Variants in STK32B observed in about 807,000 individuals in gnomAD.
STK32B encodes the protein serine/threonine kinase 32B, also known as serine/threonine-protein kinase 32B.
STK32B carries 43 observed loss-of-function variants against 52.6 expected under a neutral mutation model. The observed-to-expected ratio is 0.82, with a 90% CI of 0.64 to 1.05. STK32B has a LOEUF of 1.05. Ranked by LOEUF, STK32B falls within the 50% of genes least tolerant of loss-of-function variation. The pLI, the probability that STK32B is intolerant of heterozygous loss-of-function variation, is 0.00. For missense variants in STK32B, 621 were observed against 534.6 expected (o/e 1.16, Z -1.59); for synonymous variants, 238 against 204.3 (o/e 1.17, Z -1.41).
chr4:5,034,842 C>G, the STK32B span, among the ~76,000 whole-genome samples: 2 of 152,178 alleles, frequency 1.3e-5, no homozygotes, highest in African/African-American at 4.8e-5. Flanking sequence ...TCATGGCAGC[C>G]TGGTCATAGA....
At chr4:5,176,643 C>T (rs1207302756) in intron 3 of STK32B, among the ~76,000 whole-genome samples, 3 of 151,918 alleles carry the variant, frequency 2.0e-5, no homozygotes, top group African/African-American at 4.8e-5. Flanking sequence ...AGGATTTCAC[C>T]ACATTGGCCA....
At chr4:5,344,659 T>C (rs111798443) in intron 4 of STK32B, among the ~76,000 whole-genome samples, 5,800 of 152,022 alleles carry the variant, frequency 0.038, 334 homozygotes, top group Admixed American at 0.16. Context: ...TTTTGTTTTT[T>C]CCATTTTTTT....
intron 3 of STK32B, among the ~76,000 whole-genome samples, chr4:5,206,900 A>G (rs1167437912): frequency 6.6e-6 from 1 of 152,184 alleles, no homozygotes; most frequent in Non-Finnish European, 1.5e-5. Flanking sequence ...CTCCTTCTGT[A>G]TCATTCTTCC....
chr4:5,101,493 C>A (rs1713786049), intron 1 of STK32B, among the ~76,000 whole-genome samples: 1 of 152,056 alleles, frequency 6.6e-6, no homozygotes, highest in Middle Eastern at 3.2e-3. Flanking sequence ...GTAATTAAGA[C>A]CATCATTGAT....
intron 6 of STK32B, among the ~76,000 whole-genome samples, chr4:5,427,925 C>T (rs963352633): frequency 1.3e-5 from 2 of 150,884 alleles, no homozygotes; most frequent in Non-Finnish European, 2.9e-5. Context: ...CTTATGCCCT[C>T]CTTCTCTCTG....
chr4:5,337,788 G>A (rs1732805686), intron 4 of STK32B, among the ~76,000 whole-genome samples: 1 of 152,084 alleles, frequency 6.6e-6, no homozygotes, highest in South Asian at 2.1e-4. Flanking sequence ...TCTGTGTAGA[G>A]TACAGCTTAC....
the STK32B span, among the ~76,000 whole-genome samples, chr4:5,037,206 C>G: frequency 4.9e-4 from 74 of 152,296 alleles, no homozygotes; most frequent in African/African-American, 1.6e-3. Flanking sequence ...CTAGTCACGA[C>G]AATCAAAAAT....
In STK32B at chr4:5,216,291, T is replaced by G. The variant is rs183605220; in HGVS notation, c.260+47841T>G. Among the ~76,000 whole-genome samples, 546 of 152,270 alleles carry G rather than the reference T, an allele frequency of 3.6e-3. 8 individuals carry two copies. Among genetic ancestry groups the G allele is most frequent in the African/African-American group, 0.012 (498 of 41,552 alleles). On this transcript the variant is annotated intron_variant, in intron 3 of 11. Transcript: ENST00000282908. ...TAAGAACTGCTGTTAAAGACCAAGA[T>G]AATCCCTTTATCTTGGTACCAGGCA...
intron 1 of STK32B, among the ~76,000 whole-genome samples, chr4:5,071,605 G>T (rs1414258125): frequency 6.6e-6 from 1 of 152,164 alleles, no homozygotes; most frequent in East Asian, 1.9e-4. Context: ...TTTCAACACA[G>T]TTTCTTAACC....
At chr4:5,144,831 TCCAA>T (rs1275697291) in intron 2 of STK32B, among the ~76,000 whole-genome samples, 1 of 143,990 alleles carries the variant, frequency 6.9e-6, no homozygotes, top group Non-Finnish European at 1.5e-5. Context: ...CATCCATCCA[TCCAA>T]CATACGGAGG....
intron 6 of STK32B, among the ~76,000 whole-genome samples, chr4:5,427,777 T>C (rs936149886): frequency 6.6e-6 from 1 of 152,166 alleles, no homozygotes; most frequent in Non-Finnish European, 1.5e-5. Context: ...TGGTAATTGA[T>C]GTTTTCTCTC....
At chr4:5,360,433 T>A (rs879290739) in intron 4 of STK32B, among the ~76,000 whole-genome samples, 5 of 152,268 alleles carry the variant, frequency 3.3e-5, no homozygotes, top group Admixed American at 2.6e-4. Flanking sequence ...CAAGAGAATG[T>A]CACTGGACCA....
intron 1 of STK32B, among the ~76,000 whole-genome samples, chr4:5,055,347 G>A (rs1460485075): frequency 6.6e-6 from 1 of 151,376 alleles, no homozygotes; most frequent in Admixed American, 6.6e-5. Flanking sequence ...ATTGGCTCTG[G>A]CCATTTCTTG....
At chr4:5,159,767 A>G (rs1229531658) in intron 2 of STK32B, among the ~76,000 whole-genome samples, 2 of 143,876 alleles carry the variant, frequency 1.4e-5, no homozygotes, top group African/African-American at 5.0e-5. Context: ...GAATATATAT[A>G]TGAATATATG....
At chr4:5,051,264 G>C (rs1027912674), upstream of STK32B, among the ~76,000 whole-genome samples, 1 of 152,054 alleles carries the variant, frequency 6.6e-6, no homozygotes, top group African/African-American at 2.4e-5. Context: ...GGTTGTCGGA[G>C]GCGGATGTGG....
At chr4:5,048,817 G>A (rs1305626279), upstream of STK32B, among the ~76,000 whole-genome samples, 1 of 152,248 alleles carries the variant, frequency 6.6e-6, no homozygotes, top group Non-Finnish European at 1.5e-5. Context: ...CCAGAGTGGG[G>A]ATGGTGACAC....
chr4:5,066,934 A>G (rs1232909944), intron 1 of STK32B, among the ~76,000 whole-genome samples: 2 of 152,188 alleles, frequency 1.3e-5, no homozygotes, highest in Non-Finnish European at 2.9e-5. Flanking sequence ...GCTCCTTCAT[A>G]GCATTGAACA....
At chr4:5,231,006 T>C (rs1560242612) in intron 3 of STK32B, among the ~76,000 whole-genome samples, 1 of 152,178 alleles carries the variant, frequency 6.6e-6, no homozygotes, top group Non-Finnish European at 1.5e-5. Flanking sequence ...AGGAAGAAAG[T>C]TATAACCTGC....
chr4:5,308,162 T>A (rs1271271510), intron 3 of STK32B, among the ~76,000 whole-genome samples: 4 of 152,238 alleles, frequency 2.6e-5, no homozygotes, highest in South Asian at 4.1e-4. Flanking sequence ...ATAGAGAGGA[T>A]GAGGTGATGG....
Sources: gnomAD v4.1 joint callset for allele counts (sites outside exome capture counted in the v4.1 genomes callset) on GRCh38, gnomAD v4.1.1 for gene constraint, MANE v1.5 for transcripts, NCBI Gene and HGNC (gene_info 2026-07-23, HGNC 2026-07-21) for gene names.